Variants in MAN2A1 observed in about 807,000 individuals in gnomAD.
MAN2A1 encodes alpha-mannosidase 2.
In MAN2A1, 76 loss-of-function variants were observed where a neutral mutation model predicts 142.6. The observed-to-expected ratio is 0.53, with a 90% CI of 0.44 to 0.65. The LOEUF is 0.65. Ranked by LOEUF, MAN2A1 falls within the 30% of genes least tolerant of loss-of-function variation. MAN2A1 has a pLI of 0.00. For missense variants in MAN2A1, 1,311 were observed against 1,365.1 expected (o/e 0.96, Z 0.62); for synonymous variants, 559 against 473.2 (o/e 1.18, Z -2.35).
chr5:109,829,362 A>G (rs1057478610), intron 16 of MAN2A1, among the ~76,000 whole-genome samples: 2 of 152,116 alleles, frequency 1.3e-5, no homozygotes, highest in South Asian at 2.1e-4. Flanking sequence ...TATGGTGGAG[A>G]AGAACTCTGA....
Position 109,716,275 on chromosome 5 carries a change from C to G in MAN2A1, c.535+11C>G, listed in dbSNP as rs779004912. On this transcript the variant is annotated intron_variant, in intron 3 of 21. Transcript: ENST00000261483. ...CCCATAACGACCCAGGTAAAATTTG[C>G]ACTTCAAAAAGACAGGAGGTTATTA... is the stretch of plus-strand genomic sequence containing the variant. 1.9e-6 allele frequency: 3 copies of G among 1,594,312 alleles called. No individual in the cohort carries two copies. The African/African-American group carries it at 4.0e-5, about 22-fold the overall frequency.
intron 7 of MAN2A1, 37 bp downstream of exon 7, chr5:109,770,578 A>G: frequency 1.3e-6 from 2 of 1,582,600 alleles, no homozygotes; most frequent in Non-Finnish European, 1.7e-6. Flanking sequence ...AACATCTTGA[A>G]TAAAGTAGCC....
intron 4 of MAN2A1, among the ~76,000 whole-genome samples, chr5:109,739,084 C>T (rs1287857256): frequency 6.6e-6 from 1 of 152,068 alleles, no homozygotes; most frequent in Non-Finnish European, 1.5e-5. Context: ...CCAAGTGATC[C>T]ACCTGCCTCA....
intron 19 of MAN2A1, among the ~76,000 whole-genome samples, chr5:109,850,478 A>C (rs1755456036): frequency 6.6e-6 from 1 of 152,234 alleles, no homozygotes; most frequent in Admixed American, 6.5e-5. Flanking sequence ...TTTAGAAAAA[A>C]GAATTAGTAT....
chr5:109,746,497 A>C (rs1335782733), intron 4 of MAN2A1, among the ~76,000 whole-genome samples: 1 of 151,934 alleles, frequency 6.6e-6, no homozygotes, highest in Non-Finnish European at 1.5e-5. Context: ...GATGTATGGG[A>C]AAACATATGC....
At chr5:109,804,343 C>CT (rs887452948) in intron 12 of MAN2A1, 7 of 936,200 alleles carry the variant, frequency 7.5e-6, no homozygotes, top group African/African-American at 5.3e-5. Context: ...GAGAGTAGCG[C>CT]TTTTTTTAAA....
intron 5 of MAN2A1, among the ~76,000 whole-genome samples, chr5:109,763,417 A>T (rs1582872740): frequency 6.6e-6 from 1 of 152,008 alleles, no homozygotes; most frequent in Non-Finnish European, 1.5e-5. Flanking sequence ...ATATCTGAGG[A>T]TATGACATTT....
chr5:109,690,886 G>T (rs1750651411), intron 1 of MAN2A1, among the ~76,000 whole-genome samples: 1 of 152,036 alleles, frequency 6.6e-6, no homozygotes, highest in East Asian at 1.9e-4. Context: ...GGCACCCCCC[G>T]CCAGCCCGGG....
At chr5:109,788,784 A>T in intron 10 of MAN2A1, 150 bp from the exon 11 acceptor site, 1 of 553,426 alleles carries the variant, frequency 1.8e-6, no homozygotes, top group Non-Finnish European at 3.2e-6. Context: ...TCTAGGGGAA[A>T]AAAGAGCAGG....
chr5:109,829,330 T>C (rs1020624004), intron 16 of MAN2A1, among the ~76,000 whole-genome samples: 1 of 152,230 alleles, frequency 6.6e-6, no homozygotes, highest in African/African-American at 2.4e-5. Context: ...CCTTGTTTAA[T>C]GAGAGGAATG....
intron 20 of MAN2A1, among the ~76,000 whole-genome samples, chr5:109,856,721 A>G (rs1357826566): frequency 2.0e-5 from 3 of 152,190 alleles, no homozygotes; most frequent in Admixed American, 6.5e-5. Flanking sequence ...ATGCTTGGCT[A>G]TGCAGGCAAA....
At chr5:109,762,449 T>G (rs1210050790) in intron 5 of MAN2A1, among the ~76,000 whole-genome samples, 4 of 152,122 alleles carry the variant, frequency 2.6e-5, no homozygotes, top group Non-Finnish European at 5.9e-5. Flanking sequence ...TTTGGCTCAT[T>G]TGTTCTTTTT....
intron 3 of MAN2A1, among the ~76,000 whole-genome samples, chr5:109,725,537 G>C (rs1263530467): frequency 6.6e-6 from 1 of 152,214 alleles, no homozygotes; most frequent in Non-Finnish European, 1.5e-5. Flanking sequence ...TGTTTAGACA[G>C]ATTTCTGGAC....
chr5:109,724,126 A>G (rs975200710), intron 3 of MAN2A1, among the ~76,000 whole-genome samples: 1 of 152,222 alleles, frequency 6.6e-6, no homozygotes, highest in Non-Finnish European at 1.5e-5. Context: ...ACCATTTAAG[A>G]TTGTATGTTA....
At chr5:109,710,468 T>G (rs1258926434) in intron 1 of MAN2A1, among the ~76,000 whole-genome samples, 1 of 152,154 alleles carries the variant, frequency 6.6e-6, no homozygotes, top group Admixed American at 6.5e-5. Flanking sequence ...TGTATTAAGT[T>G]TGTAGTATTA....
intron 1 of MAN2A1, among the ~76,000 whole-genome samples, chr5:109,693,357 G>T (rs998671374): frequency 6.6e-6 from 1 of 151,230 alleles, no homozygotes; most frequent in East Asian, 1.9e-4. Context: ...TGTTTGGCAA[G>T]TTTGGGTATT....
intron 4 of MAN2A1, among the ~76,000 whole-genome samples, chr5:109,751,196 G>A (rs1752537387): frequency 6.6e-6 from 1 of 151,338 alleles, no homozygotes; most frequent in African/African-American, 2.4e-5. Flanking sequence ...CTCCACTTCT[G>A]TGAGATCAAC....
At chr5:109,813,855 C>T (rs1427079447) in intron 12 of MAN2A1, among the ~76,000 whole-genome samples, 1 of 152,134 alleles carries the variant, frequency 6.6e-6, no homozygotes, top group Non-Finnish European at 1.5e-5. Flanking sequence ...AAGTGATTCC[C>T]AGTTTGATAG....
chr5:109,690,650 C>G (rs959023420), intron 1 of MAN2A1, 98 bp downstream of exon 1: 2 of 1,364,416 alleles, frequency 1.5e-6, no homozygotes, highest in African/African-American at 2.9e-5. Flanking sequence ...GCCGCGGCCC[C>G]ACACCCGTGC....
Sources: gnomAD v4.1 joint callset for allele counts (sites outside exome capture counted in the v4.1 genomes callset) on GRCh38, gnomAD v4.1.1 for gene constraint, MANE v1.5 for transcripts, NCBI Gene and HGNC (gene_info 2026-07-23, HGNC 2026-07-21) for gene names.